The following TRAPPC3L variants were observed in gnomAD, a reference collection of about 807,000 sequenced individuals.
The protein encoded by TRAPPC3L is trafficking protein particle complex subunit 3L, also known as trafficking protein particle complex subunit 3-like protein.
A neutral mutation model predicts 23.7 loss-of-function variants in TRAPPC3L; 23 were observed. The ratio of observed to expected loss-of-function variants is 0.97; its 90% CI spans 0.70 to 1.37. TRAPPC3L has a LOEUF of 1.37. Among genes scored for constraint, TRAPPC3L ranks in the 40% most tolerant of loss-of-function variants. TRAPPC3L has a pLI of 0.00. For missense variants in TRAPPC3L, 212 were observed against 216.8 expected, an observed-to-expected ratio of 0.98 and a Z score of 0.14; for synonymous variants, 81 against 77.9, an observed-to-expected ratio of 1.04 and a Z score of -0.21.
chr6:116,503,275 A>G (rs1771948645), intron 3 of TRAPPC3L, among the ~76,000 whole-genome samples: 2 of 152,244 alleles, frequency 1.3e-5, no homozygotes, highest in Admixed American at 1.3e-4. Context: ...AAAGAGACAA[A>G]GAAGGCCATT....
At chr6:116,514,448 T>C (rs1295592746) in intron 3 of TRAPPC3L, among the ~76,000 whole-genome samples, 2 of 152,232 alleles carry the variant, frequency 1.3e-5, no homozygotes, top group Admixed American at 1.3e-4. Context: ...CACATTTACA[T>C]AAGTGTATAT....
At chr6:116,522,366 T>C (rs1772361700) in intron 3 of TRAPPC3L, 1 of 152,222 alleles carries the variant, frequency 6.6e-6, no homozygotes, top group South Asian at 2.1e-4. Flanking sequence ...TTTGGGGCAA[T>C]ATGAAGCGAC....
At position 116,500,539 on chromosome 6, in the gene TRAPPC3L, C is replaced by T. The variant is rs368049149; in HGVS notation, c.368G>A (p.Arg123Gln). The part of the protein sequence containing the change: ...VEFVEELPAG[R>Q]SSLCYCNLLC... ...CAAGTTGCAGTAGCACAGAGAAGAT[C>T]GCCCAGCAGGGAGCTCTTCCACAAA... The change falls in exon 4 of 5, where the codon CGA (arginine) becomes CAA (glutamine). Residue 123 changes from arginine to glutamine, a missense_variant. Arg to Gln is a conservative substitution (Grantham distance 43, BLOSUM62 1). Coordinates refer to ENST00000368602, the MANE Select transcript of TRAPPC3L (RefSeq NM_001139444.3). 8.4e-5 allele frequency: 130 copies of T among 1,551,534 alleles called. 1 individual carries two copies. The highest frequency in any genetic ancestry group is 6.7e-4 in the Middle Eastern group (4 of 6,012).
intron 4 of TRAPPC3L, among the ~76,000 whole-genome samples, chr6:116,498,112 A>C (rs1006295491): frequency 2.6e-5 from 4 of 152,224 alleles, no homozygotes; most frequent in African/African-American, 4.8e-5. Context: ...AATTTAACAG[A>C]ACATAAATTA....
chr6:116,516,575 G>A (rs918054356), intron 3 of TRAPPC3L: 2 of 150,606 alleles, frequency 1.3e-5, no homozygotes, highest in African/African-American at 4.9e-5. Context: ...TACTCCCCTG[G>A]AAGCAGGGCT....
intron 1 of TRAPPC3L, 37 bp from the exon 2 acceptor site, chr6:116,543,437 T>G: frequency 6.8e-7 from 1 of 1,473,650 alleles, no homozygotes; most frequent in Non-Finnish European, 9.3e-7. Context: ...TATAGGCAAG[T>G]TATGACAGTA....
At chr6:116,519,911 C>G (rs1447576165) in intron 3 of TRAPPC3L, 1 of 151,542 alleles carries the variant, frequency 6.6e-6, no homozygotes, top group Non-Finnish European at 1.5e-5. Context: ...CTTTAGGATA[C>G]ATTCAGCTTA....
chr6:116,527,921 C>A (rs913791890), intron 3 of TRAPPC3L, among the ~76,000 whole-genome samples: 1 of 152,140 alleles, frequency 6.6e-6, no homozygotes, highest in South Asian at 2.1e-4. Flanking sequence ...ATGTAAGAAG[C>A]CTGCGCGTTC....
intron 3 of TRAPPC3L, among the ~76,000 whole-genome samples, chr6:116,536,470 C>G (rs140549644): frequency 2.9e-3 from 442 of 152,300 alleles, no homozygotes; most frequent in Non-Finnish European, 4.7e-3. Context: ...GTCCTTCTCT[C>G]GCAAAGGCAG....
intron 3 of TRAPPC3L, among the ~76,000 whole-genome samples, chr6:116,505,746 C>T (rs553403130): frequency 2.6e-5 from 4 of 152,234 alleles, no homozygotes; most frequent in African/African-American, 9.6e-5. Flanking sequence ...TTTGACAAAC[C>T]TGACAAAAAC....
chr6:116,545,634 G>A lies in TRAPPC3L; in HGVS notation c.-120C>T. The A allele has an allele frequency of 1.2e-6, 1 of 829,918 alleles. No individual in the cohort carries two copies. Among genetic ancestry groups the A allele is most frequent in the Admixed American group, 2.7e-5 (1 of 37,120 alleles). The allele number at this position is 829,918 out of a possible 1,614,324, so 51.4% of individuals were successfully genotyped here. ...TAAGCTCTTCCTCGCTTTGAGACAGGAGTGCTGCTTCTGCACTCTGCTGCT... is the reference window on the plus strand; with the variant it reads ...TAAGCTCTTCCTCGCTTTGAGACAGAAGTGCTGCTTCTGCACTCTGCTGCT... On this transcript the variant is annotated 5_prime_UTR_variant, in exon 1 of 5. Transcript: ENST00000368602.
intron 4 of TRAPPC3L, among the ~76,000 whole-genome samples, chr6:116,500,220 C>A (rs973547943): frequency 8.5e-5 from 13 of 152,338 alleles, no homozygotes; most frequent in African/African-American, 3.1e-4. Flanking sequence ...TGGCCAGCAG[C>A]TTGACTGCAT....
At position 116,495,462 on chromosome 6, in the gene TRAPPC3L, T is replaced by C. The variant is rs1231109011; in HGVS notation, c.*1492A>G. ...TCCAAATCTTAGCTATCGTCAGTAG[T>C]TCTGCAGTAAACATGGGAGTGCAGA... On this transcript the variant is annotated 3_prime_UTR_variant, in exon 5 of 5. Transcript: ENST00000368602. 6.6e-6 allele frequency: 1 copy of C among 152,194 alleles called. No individual in the cohort carries two copies. The highest frequency in any genetic ancestry group is 2.4e-5 in the African/African-American group (1 of 41,452). 9.4% of individuals were successfully genotyped at this position (152,194 alleles called of 1,614,324 possible).
intron 3 of TRAPPC3L, among the ~76,000 whole-genome samples, chr6:116,536,317 G>T (rs756259719): frequency 6.6e-6 from 1 of 152,000 alleles, no homozygotes; most frequent in South Asian, 2.1e-4. Flanking sequence ...TTTCTTTTCA[G>T]ACCACTAGAT....
intron 3 of TRAPPC3L, among the ~76,000 whole-genome samples, chr6:116,535,235 G>C (rs553328122): frequency 6.6e-6 from 1 of 152,312 alleles, no homozygotes; most frequent in East Asian, 1.9e-4. Flanking sequence ...GGTCTCTTCT[G>C]ACAAATATGG....
intron 2 of TRAPPC3L, among the ~76,000 whole-genome samples, 169 bp downstream of exon 2, chr6:116,543,134 A>G (rs1199503265): frequency 1.3e-5 from 2 of 152,138 alleles, no homozygotes; most frequent in African/African-American, 4.8e-5. Context: ...ATCTTATTCT[A>G]TCAACCCAAA....
chr6:116,516,668 T>C (rs1772231901), intron 3 of TRAPPC3L: 1 of 27,626 alleles, frequency 3.6e-5, no homozygotes, highest in Admixed American at 3.5e-4. Flanking sequence ...CAAATATATA[T>C]ATATATATAT....
chr6:116,530,835 G>A lies in TRAPPC3L; in HGVS notation c.240+9528C>T, dbSNP rs1270585773. Among the ~76,000 whole-genome samples the A allele has an allele frequency of 5.1e-5, 7 of 137,356 alleles. No homozygotes were observed. In the East Asian group the frequency reaches 1.5e-3, roughly 30 times the overall value. 90.1% of individuals were successfully genotyped at this position (137,356 alleles called of 152,430 possible). On this transcript the variant is annotated intron_variant, in intron 3 of 4. Transcript: ENST00000368602. Reference sequence around the variant, plus strand: ...CCCCAAATTCTAGCTCTGAAACAAAGAAAAACAAACACCAGCATCAGTAAC... The same window carrying A: ...CCCCAAATTCTAGCTCTGAAACAAAAAAAAACAAACACCAGCATCAGTAAC...
intron 3 of TRAPPC3L, chr6:116,519,349 A>T (rs973112736): frequency 6.6e-6 from 1 of 152,070 alleles, no homozygotes; most frequent in African/African-American, 2.4e-5. Flanking sequence ...GGGCTCTGGA[A>T]TGTCAGATTT....
Sources: gnomAD v4.1 joint callset for allele counts (sites outside exome capture counted in the v4.1 genomes callset) on GRCh38, gnomAD v4.1.1 for gene constraint, MANE v1.5 for transcripts, NCBI Gene and HGNC (gene_info 2026-07-23, HGNC 2026-07-21) for gene names.